Variants in SMCO4 observed in about 807,000 individuals in gnomAD.
SMCO4 encodes single-pass membrane and coiled-coil domain-containing protein 4.
A neutral mutation model predicts 3.6 loss-of-function variants in SMCO4; 4 were observed. The ratio of observed to expected loss-of-function variants is 1.11; its 90% CI spans 0.54 to 2.53. The LOEUF (loss-of-function observed/expected upper bound fraction) is 2.53. Ranked by LOEUF, SMCO4 falls within the 30% of genes most tolerant of loss-of-function variation. SMCO4 has a pLI of 0.02. For synonymous variants in SMCO4, 36 were observed against 35.3 expected, an observed-to-expected ratio of 1.02 and a Z score of -0.07; for missense variants, 70 against 80.8, an observed-to-expected ratio of 0.87 and a Z score of 0.51.
intron 1 of SMCO4, among the ~76,000 whole-genome samples, chr11:93,506,695 C>G (rs1461789020): frequency 1.3e-5 from 2 of 152,154 alleles, no homozygotes; most frequent in Non-Finnish European, 2.9e-5. Context: ...ACCGCCTCGG[C>G]CTCCCAAAGT....
At position 93,537,391 on chromosome 11, in the gene SMCO4, A is replaced by G. The variant is rs75352710; in HGVS notation, c.-154+5885T>C. On this transcript the variant is annotated intron_variant, in intron 1 of 2. Transcript: ENST00000298966. ...CAAACTGAACCAGTATACAAATCAG[A>G]TGGTCCTGCCAACAAAACAGGAACA... Among the ~76,000 whole-genome samples, 355 of 152,342 alleles carry G rather than the reference A, an allele frequency of 2.3e-3. 8 individuals carry two copies. In the East Asian group the frequency reaches 0.055, roughly 24 times the overall value.
At chr11:93,502,698 A>C (rs898802814) in intron 1 of SMCO4, among the ~76,000 whole-genome samples, 2 of 152,224 alleles carry the variant, frequency 1.3e-5, no homozygotes, top group Non-Finnish European at 2.9e-5. Flanking sequence ...CTCTACACTA[A>C]GGAACAAAAC....
intron 1 of SMCO4, among the ~76,000 whole-genome samples, chr11:93,509,270 A>G (rs1948936630): frequency 6.6e-6 from 1 of 151,434 alleles, no homozygotes; most frequent in Non-Finnish European, 1.5e-5. Context: ...TAGCTAAGCA[A>G]CAGAATGAGA....
intron 2 of SMCO4, among the ~76,000 whole-genome samples, chr11:93,484,113 C>T (rs1163268486): frequency 3.3e-5 from 5 of 152,158 alleles, no homozygotes; most frequent in Admixed American, 2.0e-4. Context: ...ACCTGCTATG[C>T]TCCTACCCCC....
intron 2 of SMCO4, chr11:93,481,377 G>C: frequency 2.1e-6 from 2 of 967,278 alleles, no homozygotes; most frequent in Non-Finnish European, 2.5e-6. Context: ...GGCGGCCCAG[G>C]GACGGGTGCA....
At chr11:93,528,137 T>C (rs1425348430) in intron 1 of SMCO4, among the ~76,000 whole-genome samples, 1 of 152,138 alleles carries the variant, frequency 6.6e-6, no homozygotes, top group Non-Finnish European at 1.5e-5. Context: ...CCTCCTATAA[T>C]ATGAAAATCC....
rs1555077562 is a variant in SMCO4 at position 93,514,413 on chromosome 11, T to TATACACAC, written c.-153-15066_-153-15065insGTGTGTAT. 1.5e-3 allele frequency among the ~76,000 whole-genome samples: 51 copies of TATACACAC among 33,960 alleles called. 3 individuals carry two copies. The highest frequency in any genetic ancestry group is 3.7e-3 in the African/African-American group (40 of 10,720). The allele number at this position is 33,960 out of a possible 152,430, so 22.3% of individuals were successfully genotyped here. On this transcript the variant is annotated intron_variant, in intron 1 of 2. Coordinates refer to ENST00000298966, the MANE Select transcript of SMCO4 (RefSeq NM_020179.3). ...ATATATATATATATATATATATATATATATATATAAAATTTGGTCTCTTCC... is the reference window on the plus strand; with the variant it reads ...ATATATATATATATATATATATATATATACACACATATATATAAAATTTGGTCTCTTCC...
chr11:93,533,812 T>C (rs900016988), intron 1 of SMCO4, among the ~76,000 whole-genome samples: 7 of 152,128 alleles, frequency 4.6e-5, no homozygotes, highest in Admixed American at 4.6e-4. Context: ...CAGCTACTAA[T>C]CTCCTGACCT....
upstream of SMCO4, among the ~76,000 whole-genome samples, chr11:93,544,579 C>T (rs1057312974): frequency 6.6e-6 from 1 of 152,172 alleles, no homozygotes; most frequent in African/African-American, 2.4e-5. Flanking sequence ...TTGAAAGCAC[C>T]TGCAGTCTAC....
intron 1 of SMCO4, among the ~76,000 whole-genome samples, chr11:93,501,452 G>C (rs888879456): frequency 1.3e-5 from 2 of 152,168 alleles, no homozygotes; most frequent in African/African-American, 4.8e-5. Context: ...CTCGTTTGTC[G>C]CCGCTTCCAG....
At chr11:93,546,622 T>C (rs992354733), upstream of SMCO4, among the ~76,000 whole-genome samples, 3 of 152,240 alleles carry the variant, frequency 2.0e-5, no homozygotes, top group Non-Finnish European at 2.9e-5. Context: ...TCCAAGGTCC[T>C]GGAGCTGGCT....
intron 1 of SMCO4, among the ~76,000 whole-genome samples, chr11:93,518,266 C>T (rs534799700): frequency 6.6e-6 from 1 of 152,344 alleles, no homozygotes; most frequent in South Asian, 2.1e-4. Flanking sequence ...CAAGTTGTGG[C>T]ATACATCTGT....
chr11:93,551,210 A>G, the SMCO4 span, among the ~76,000 whole-genome samples: 1 of 152,242 alleles, frequency 6.6e-6, no homozygotes, highest in Non-Finnish European at 1.5e-5. Flanking sequence ...AGCGTGCTGA[A>G]GAGAAAGAAC....
At chr11:93,544,295 A>G (rs993551462), upstream of SMCO4, among the ~76,000 whole-genome samples, 6 of 152,234 alleles carry the variant, frequency 3.9e-5, no homozygotes, top group Admixed American at 6.5e-5. Context: ...TTTAAAAACT[A>G]TCTTCGAAAT....
chr11:93,534,137 G>A (rs1949189522), intron 1 of SMCO4, among the ~76,000 whole-genome samples: 1 of 150,354 alleles, frequency 6.7e-6, no homozygotes, highest in Admixed American at 6.7e-5. Flanking sequence ...GTTGAAATGA[G>A]CTAAGATCGC....
chr11:93,488,722 C>A (rs183322315), intron 2 of SMCO4, among the ~76,000 whole-genome samples: 78 of 152,152 alleles, frequency 5.1e-4, no homozygotes, highest in African/African-American at 1.8e-3. Context: ...TGGAGGCATG[C>A]GCCTGCAAAG....
chr11:93,502,032 G>C (rs547819877), intron 1 of SMCO4, among the ~76,000 whole-genome samples: 3 of 151,802 alleles, frequency 2.0e-5, no homozygotes, highest in Admixed American at 2.0e-4. Flanking sequence ...GGTGACCCAG[G>C]GGGCAAAGTA....
At chr11:93,491,798 G>C (rs1948720532) in intron 2 of SMCO4, among the ~76,000 whole-genome samples, 2 of 152,220 alleles carry the variant, frequency 1.3e-5, no homozygotes, top group South Asian at 4.1e-4. Context: ...ACTGGAGCTA[G>C]AGAAACACAA....
intron 1 of SMCO4, among the ~76,000 whole-genome samples, chr11:93,522,875 T>G (rs994908641): frequency 1.3e-5 from 2 of 152,220 alleles, no homozygotes; most frequent in Non-Finnish European, 2.9e-5. Context: ...CAAGAATCCT[T>G]GTCTGTAGCC....
Sources: allele counts gnomAD v4.1 joint callset (sites outside exome capture counted in the v4.1 genomes callset), GRCh38; gene constraint gnomAD v4.1.1; transcripts MANE v1.5; gene names NCBI Gene and HGNC (gene_info 2026-07-23, HGNC 2026-07-21).